The following KHDRBS2 variants were observed in gnomAD, a reference collection of about 807,000 sequenced individuals.
KHDRBS2 encodes KH domain-containing, RNA-binding, signal transduction-associated protein 2.
KHDRBS2 carries 26 observed loss-of-function variants against 44.3 expected under a neutral mutation model. The observed-to-expected ratio is 0.59, with a 90% CI of 0.43 to 0.81. The LOEUF is 0.81. Ranked by LOEUF, KHDRBS2 falls within the 40% of genes least tolerant of loss-of-function variation. The pLI, the probability that KHDRBS2 is intolerant of heterozygous loss-of-function variation, is 0.00. For synonymous variants in KHDRBS2, 194 were observed against 151.1 expected, an observed-to-expected ratio of 1.28 and a Z score of -2.08; for missense variants, 476 against 433.1, an observed-to-expected ratio of 1.10 and a Z score of -0.88.
chr6:61,912,070 G>A (rs1806155800), intron 4 of KHDRBS2, among the ~76,000 whole-genome samples: 1 of 152,146 alleles, frequency 6.6e-6, no homozygotes, highest in Non-Finnish European at 1.5e-5. Flanking sequence ...GCAAGAGGGA[G>A]AGAGAGCAGA....
chr6:62,089,539 G>A (rs966898479), intron 2 of KHDRBS2, among the ~76,000 whole-genome samples: 2 of 152,008 alleles, frequency 1.3e-5, no homozygotes. Flanking sequence ...CCTTCTGCTC[G>A]CCCTCCTTGG....
chr6:61,596,634 CTTTTT>C, the KHDRBS2 span, among the ~76,000 whole-genome samples: 6 of 151,916 alleles, frequency 3.9e-5, no homozygotes, highest in Non-Finnish European at 8.8e-5. Context: ...ATTTGTACTT[CTTTTT>C]TTAATTTAAT....
the KHDRBS2 span, among the ~76,000 whole-genome samples, chr6:61,546,082 A>T: frequency 6.6e-6 from 1 of 152,170 alleles, no homozygotes; most frequent in South Asian, 2.1e-4. Flanking sequence ...TTTGACAAAC[A>T]CGTAAAGATA....
chr6:62,255,073 C>T (rs552388715), intron 1 of KHDRBS2, among the ~76,000 whole-genome samples: 7 of 152,080 alleles, frequency 4.6e-5, no homozygotes, highest in Middle Eastern at 3.4e-3. Flanking sequence ...CAAGATCATG[C>T]AAATGTAATC....
At chr6:61,973,635 A>G (rs1000456409) in intron 4 of KHDRBS2, among the ~76,000 whole-genome samples, 1 of 152,184 alleles carries the variant, frequency 6.6e-6, no homozygotes, top group African/African-American at 2.4e-5. Flanking sequence ...TCTCTCTTAA[A>G]TTGACTTAAA....
chr6:62,104,004 G>A (rs1304903950), intron 2 of KHDRBS2, among the ~76,000 whole-genome samples: 1 of 152,044 alleles, frequency 6.6e-6, no homozygotes, highest in Non-Finnish European at 1.5e-5. Flanking sequence ...ATACCAGAGG[G>A]AAATACAGAT....
intron 3 of KHDRBS2, among the ~76,000 whole-genome samples, chr6:62,032,683 C>A (rs1434223577): frequency 1.3e-5 from 2 of 151,828 alleles, no homozygotes; most frequent in East Asian, 1.9e-4. Flanking sequence ...AAAGCAGAAA[C>A]AACTTATATC....
At chr6:61,689,728 T>C (rs1767189234) in intron 8 of KHDRBS2, among the ~76,000 whole-genome samples, 1 of 151,964 alleles carries the variant, frequency 6.6e-6, no homozygotes, top group South Asian at 2.1e-4. Context: ...GATCTAACTA[T>C]TTTAGTTGTT....
intron 3 of KHDRBS2, among the ~76,000 whole-genome samples, chr6:61,984,079 C>G (rs974507590): frequency 3.3e-5 from 5 of 152,130 alleles, no homozygotes; most frequent in Non-Finnish European, 5.9e-5. Context: ...ATTGCTGAAA[C>G]AGTTTGGGCC....
intron 3 of KHDRBS2, among the ~76,000 whole-genome samples, chr6:62,006,058 C>G (rs991686624): frequency 7.9e-5 from 12 of 151,792 alleles, no homozygotes; most frequent in Non-Finnish European, 1.5e-4. Context: ...ATTGAGAAAA[C>G]AAAATATTCT....
intron 8 of KHDRBS2, among the ~76,000 whole-genome samples, chr6:61,696,883 C>T (rs1018324794): frequency 9.2e-5 from 14 of 152,026 alleles, no homozygotes; most frequent in African/African-American, 3.4e-4. Context: ...AGAAAAGACA[C>T]AATATTGTTG....
chr6:61,968,492 T>C (rs952018094), intron 4 of KHDRBS2, among the ~76,000 whole-genome samples: 4 of 152,144 alleles, frequency 2.6e-5, no homozygotes, highest in Non-Finnish European at 4.4e-5. Context: ...CTTATGAATA[T>C]ATTATTGAAT....
chr6:61,968,542 T>C (rs1381442059), intron 4 of KHDRBS2, among the ~76,000 whole-genome samples: 3 of 152,042 alleles, frequency 2.0e-5, no homozygotes, highest in South Asian at 2.1e-4. Flanking sequence ...ATTGCACCTG[T>C]GTTACCACTA....
the KHDRBS2 span, among the ~76,000 whole-genome samples, chr6:61,604,824 G>T: frequency 6.6e-6 from 1 of 152,056 alleles, no homozygotes; most frequent in African/African-American, 2.4e-5. Context: ...TATCCCACAG[G>T]GTCTGAAAAG....
intron 6 of KHDRBS2, among the ~76,000 whole-genome samples, chr6:61,858,391 C>A (rs1321825103): frequency 6.6e-6 from 1 of 151,702 alleles, no homozygotes; most frequent in Non-Finnish European, 1.5e-5. Flanking sequence ...AAATTAAAAT[C>A]TGGCATAAGT....
intron 2 of KHDRBS2, among the ~76,000 whole-genome samples, chr6:62,075,028 G>GA (rs1184251268): frequency 3.3e-5 from 5 of 151,880 alleles, no homozygotes; most frequent in African/African-American, 9.7e-5. Flanking sequence ...GTGTACACGT[G>GA]AAATACAGAG....
At chr6:62,216,656 T>C (rs1830020159) in intron 1 of KHDRBS2, among the ~76,000 whole-genome samples, 1 of 150,544 alleles carries the variant, frequency 6.6e-6, no homozygotes, top group African/African-American at 2.4e-5. Flanking sequence ...TAAGGTTTGA[T>C]CCACCTGCTT....
chr6:61,551,709 C>G, the KHDRBS2 span, among the ~76,000 whole-genome samples: 4 of 152,018 alleles, frequency 2.6e-5, no homozygotes, highest in Non-Finnish European at 5.9e-5. Context: ...TCTATTCTGT[C>G]CCACTAGTCT....
intron 6 of KHDRBS2, among the ~76,000 whole-genome samples, chr6:61,744,256 A>G (rs1450132488): frequency 6.6e-6 from 1 of 152,084 alleles, no homozygotes; most frequent in Non-Finnish European, 1.5e-5. Context: ...CCAGGCCTTC[A>G]TATTGGCTTG....
Sources: allele counts gnomAD v4.1 joint callset (sites outside exome capture counted in the v4.1 genomes callset), GRCh38; gene constraint gnomAD v4.1.1; transcripts MANE v1.5; gene names NCBI Gene and HGNC (gene_info 2026-07-23, HGNC 2026-07-21).